The following IFT88 variants were observed in gnomAD, a reference collection of about 807,000 sequenced individuals.
IFT88 encodes intraflagellar transport protein 88 homolog.
Under a neutral mutation model 119.5 loss-of-function variants are expected in IFT88, and 74 were observed. That is an observed-to-expected ratio of 0.62 (90% CI 0.51 to 0.75). The LOEUF (loss-of-function observed/expected upper bound fraction) is 0.75, where lower values mean the gene tolerates loss of function less well. IFT88 is among the 30% of genes least tolerant of loss of function. IFT88 has a pLI of 0.00. For missense variants in IFT88, 961 were observed against 977.7 expected (o/e 0.98, Z 0.23); for synonymous variants, 279 against 316.7 (o/e 0.88, Z 1.26).
At chr13:20,648,166 C>T (rs976945353) in intron 20 of IFT88, among the ~76,000 whole-genome samples, 5 of 152,186 alleles carry the variant, frequency 3.3e-5, no homozygotes, top group African/African-American at 1.2e-4. Context: ...GAGGCCCAGG[C>T]AGGCAGATCA....
At chr13:20,591,371 A>G (rs1464720573) in intron 5 of IFT88, among the ~76,000 whole-genome samples, 16 of 152,194 alleles carry the variant, frequency 1.1e-4, no homozygotes, top group Non-Finnish European at 1.5e-5. Flanking sequence ...AAAGTAAGAG[A>G]GTAGCTGGCT....
chr13:20,664,009 G>A (rs553883002), intron 23 of IFT88, among the ~76,000 whole-genome samples: 7 of 152,214 alleles, frequency 4.6e-5, no homozygotes, highest in South Asian at 2.1e-4. Context: ...TTTTATTGTC[G>A]CCAAAGTTTG....
At chr13:20,680,699 A>AC (rs1231146490) in intron 24 of IFT88, among the ~76,000 whole-genome samples, 1 of 152,062 alleles carries the variant, frequency 6.6e-6, no homozygotes, top group East Asian at 1.9e-4. Context: ...CATGGCTGCA[A>AC]CCGGGGGGTC....
At chr13:20,668,804 A>T (rs1301699801) in intron 23 of IFT88, among the ~76,000 whole-genome samples, 1 of 152,232 alleles carries the variant, frequency 6.6e-6, no homozygotes, top group Non-Finnish European at 1.5e-5. Context: ...GGACCCATCC[A>T]TGCAGGGTCC....
intron 11 of IFT88, among the ~76,000 whole-genome samples, chr13:20,601,035 T>C (rs1469272406): frequency 2.0e-5 from 3 of 152,320 alleles, no homozygotes; most frequent in East Asian, 3.9e-4. Flanking sequence ...TATGACTCCA[T>C]TTATGTACAA....
intron 3 of IFT88, among the ~76,000 whole-genome samples, chr13:20,588,646 A>G (rs1566092052): frequency 1.3e-5 from 2 of 152,352 alleles, no homozygotes; most frequent in African/African-American, 4.8e-5. Context: ...TGTGTGGCCA[A>G]TGGCTGTCTT....
chr13:20,587,996 CTT>C (rs35750861), intron 3 of IFT88, among the ~76,000 whole-genome samples: 2,177 of 135,830 alleles, frequency 0.016, 52 homozygotes, highest in African/African-American at 0.052. Context: ...TTACTATTTG[CTT>C]TTTTTTTTTT....
chr13:20,604,492 C>A (rs1829638723), intron 12 of IFT88, among the ~76,000 whole-genome samples: 1 of 152,128 alleles, frequency 6.6e-6, no homozygotes, highest in African/African-American at 2.4e-5. Context: ...TGGTCCTAAT[C>A]TTTCCATCCT....
At chr13:20,680,471 T>C (rs956536023) in intron 24 of IFT88, among the ~76,000 whole-genome samples, 6 of 152,168 alleles carry the variant, frequency 3.9e-5, no homozygotes, top group African/African-American at 1.4e-4. Context: ...ATAAGTATAA[T>C]TGTCTTTTGT....
At chr13:20,568,347 T>C (rs1341852688) in intron 1 of IFT88, among the ~76,000 whole-genome samples, 1 of 152,242 alleles carries the variant, frequency 6.6e-6, no homozygotes, top group Non-Finnish European at 1.5e-5. Context: ...CTGCCACCCA[T>C]AGCTATTAGC....
At chr13:20,616,740 T>C (rs958507179) in intron 14 of IFT88, among the ~76,000 whole-genome samples, 5 of 152,184 alleles carry the variant, frequency 3.3e-5, no homozygotes, top group African/African-American at 9.7e-5. Flanking sequence ...GTACTGTACA[T>C]AATTGTATGT....
At chr13:20,649,444 T>A (rs2051249830) in intron 20 of IFT88, among the ~76,000 whole-genome samples, 1 of 152,262 alleles carries the variant, frequency 6.6e-6, no homozygotes, top group South Asian at 2.1e-4. Context: ...AGAAAGTAAC[T>A]GAGACAAGTG....
chr13:20,580,215 G>A (rs1044323357), intron 2 of IFT88, among the ~76,000 whole-genome samples: 10 of 152,030 alleles, frequency 6.6e-5, no homozygotes, highest in Non-Finnish European at 1.3e-4. Context: ...AAAATATATA[G>A]GTGATTAGAA....
chr13:20,659,479 A>G (rs77324261), intron 22 of IFT88, among the ~76,000 whole-genome samples: 1 of 152,150 alleles, frequency 6.6e-6, no homozygotes, highest in Non-Finnish European at 1.5e-5. Context: ...GGGCATCTCT[A>G]AATCTCTTAA....
At chr13:20,612,043 T>C (rs1022628631) in intron 13 of IFT88, 1 of 152,182 alleles carries the variant, frequency 6.6e-6, no homozygotes, top group Middle Eastern at 3.2e-3. Context: ...TCAGATGACA[T>C]GATCTTGTAC....
At chr13:20,608,051 C>G (rs1481649914) in intron 13 of IFT88, 1 of 545,458 alleles carries the variant, frequency 1.8e-6, no homozygotes, top group East Asian at 4.2e-5. Flanking sequence ...CTCCTCTTCC[C>G]CCAGCACGGG....
intron 14 of IFT88, among the ~76,000 whole-genome samples, chr13:20,624,395 C>A (rs889107591): frequency 6.6e-6 from 1 of 152,100 alleles, no homozygotes; most frequent in Non-Finnish European, 1.5e-5. Context: ...CTCCCCGAAC[C>A]CTGTCCTCTT....
chr13:20,662,879 C>T (rs2140833354), intron 22 of IFT88, among the ~76,000 whole-genome samples: 1 of 152,210 alleles, frequency 6.6e-6, no homozygotes, highest in Admixed American at 6.5e-5. Flanking sequence ...CAGAACTAAA[C>T]AATATGTCAT....
chr13:20,594,552 G>C (rs1593949947), intron 7 of IFT88, among the ~76,000 whole-genome samples: 1 of 152,262 alleles, frequency 6.6e-6, no homozygotes, highest in Non-Finnish European at 1.5e-5. Flanking sequence ...TTTTGCATTT[G>C]ATAGGGACAG....
Sources: allele counts gnomAD v4.1 joint callset (sites outside exome capture counted in the v4.1 genomes callset), GRCh38; gene constraint gnomAD v4.1.1; transcripts MANE v1.5; gene names NCBI Gene and HGNC (gene_info 2026-07-23, HGNC 2026-07-21).